The following SEMA6D variants were observed in gnomAD, a reference collection of about 807,000 sequenced individuals.
SEMA6D encodes the protein semaphorin-6D.
SEMA6D carries 35 observed loss-of-function variants against 106.6 expected under a neutral mutation model. The ratio of observed to expected loss-of-function variants is 0.33; its 90% confidence interval spans 0.25 to 0.44. The LOEUF is 0.44. Ranked by LOEUF, SEMA6D falls within the 20% of genes least tolerant of loss-of-function variation. The pLI is 1.00. For synonymous variants in SEMA6D, 499 were observed against 487.7 expected, an observed-to-expected ratio of 1.02 and a Z score of -0.31; for missense variants, 1,185 against 1,345.9, an observed-to-expected ratio of 0.88 and a Z score of 1.87.
At chr15:47,268,866 C>G (rs893220031) in intron 1 of SEMA6D, among the ~76,000 whole-genome samples, 1 of 152,084 alleles carries the variant, frequency 6.6e-6, no homozygotes. Flanking sequence ...ACCACCCTAC[C>G]CTTTTATTGC....
At chr15:47,378,556 T>G (rs1331979503) in intron 1 of SEMA6D, among the ~76,000 whole-genome samples, 1 of 152,152 alleles carries the variant, frequency 6.6e-6, no homozygotes, top group Non-Finnish European at 1.5e-5. Context: ...TGATGACCAC[T>G]TCAAAGACAA....
intron 1 of SEMA6D, among the ~76,000 whole-genome samples, chr15:47,755,852 A>G (rs2081694916): frequency 1.3e-5 from 2 of 148,554 alleles, no homozygotes; most frequent in Non-Finnish European, 3.0e-5. Flanking sequence ...TAATATAAAT[A>G]TAACAATATA....
intron 1 of SEMA6D, among the ~76,000 whole-genome samples, chr15:47,741,847 C>A (rs903824423): frequency 6.6e-5 from 10 of 152,310 alleles, no homozygotes; most frequent in Non-Finnish European, 1.2e-4. Context: ...ATAGATCCTG[C>A]CTTCGAGGAG....
intron 3 of SEMA6D, chr15:47,525,361 C>G (rs908105410): frequency 6.6e-6 from 1 of 152,130 alleles, no homozygotes; most frequent in African/African-American, 2.4e-5. Flanking sequence ...TAGAAGGTGC[C>G]CCAAAGCTTT....
intron 4 of SEMA6D, among the ~76,000 whole-genome samples, chr15:47,685,353 G>C (rs767214203): frequency 6.6e-6 from 1 of 152,184 alleles, no homozygotes; most frequent in Non-Finnish European, 1.5e-5. Flanking sequence ...GAGAGAAGGG[G>C]GATGAGGCAG....
At chr15:47,191,934 C>G (rs1893991902) in intron 1 of SEMA6D, among the ~76,000 whole-genome samples, 2 of 152,108 alleles carry the variant, frequency 1.3e-5, no homozygotes. Context: ...ATACATTAGA[C>G]CAAGGTTATC....
At chr15:47,270,234 T>C (rs1406130284) in intron 1 of SEMA6D, among the ~76,000 whole-genome samples, 4 of 149,396 alleles carry the variant, frequency 2.7e-5, no homozygotes, top group Non-Finnish European at 5.9e-5. Context: ...TTTGATTTTG[T>C]CAATGCCATG....
chr15:47,737,131 C>G (rs1013402362), intron 1 of SEMA6D, among the ~76,000 whole-genome samples: 3 of 152,108 alleles, frequency 2.0e-5, no homozygotes, highest in African/African-American at 7.2e-5. Context: ...TTATAATATG[C>G]TAATTTAGCT....
At chr15:47,718,071 A>G (rs2079196165) in intron 1 of SEMA6D, among the ~76,000 whole-genome samples, 1 of 152,148 alleles carries the variant, frequency 6.6e-6, no homozygotes, top group African/African-American at 2.4e-5. Flanking sequence ...GGGGGCATCA[A>G]GTAAAAGTTT....
At chr15:47,668,309 G>A (rs1234550623) in intron 4 of SEMA6D, among the ~76,000 whole-genome samples, 1 of 152,164 alleles carries the variant, frequency 6.6e-6, no homozygotes, top group Non-Finnish European at 1.5e-5. Context: ...TAAACAGCCA[G>A]TAGATCTAAC....
At chr15:47,655,509 C>G (rs1439884445) in intron 4 of SEMA6D, among the ~76,000 whole-genome samples, 1 of 152,140 alleles carries the variant, frequency 6.6e-6, no homozygotes, top group South Asian at 2.1e-4. Context: ...CACAAGAAGT[C>G]CAAGAAAATC....
intron 1 of SEMA6D, among the ~76,000 whole-genome samples, chr15:47,294,870 A>C (rs372128015): frequency 4.6e-4 from 70 of 152,324 alleles, no homozygotes; most frequent in African/African-American, 1.5e-3. Context: ...GAGAAGCAAC[A>C]ATCTTAATAT....
intron 1 of SEMA6D, among the ~76,000 whole-genome samples, chr15:47,276,696 A>G (rs891885797): frequency 2.6e-5 from 4 of 152,192 alleles, no homozygotes; most frequent in Non-Finnish European, 5.9e-5. Context: ...GGAAATGTAC[A>G]AGGAGGTTAA....
intron 4 of SEMA6D, among the ~76,000 whole-genome samples, chr15:47,619,215 C>T (rs950571820): frequency 1.3e-5 from 2 of 152,208 alleles, no homozygotes; most frequent in African/African-American, 4.8e-5. Context: ...TTCTTGTTTC[C>T]TTTCCTCTCC....
intron 4 of SEMA6D, among the ~76,000 whole-genome samples, chr15:47,609,535 G>A (rs1321518057): frequency 1.3e-5 from 2 of 152,144 alleles, no homozygotes; most frequent in Non-Finnish European, 2.9e-5. Context: ...TTAAACATTT[G>A]AAGGTACATA....
chr15:47,505,928 C>T (rs551854501), intron 3 of SEMA6D, among the ~76,000 whole-genome samples: 112 of 152,012 alleles, frequency 7.4e-4, no homozygotes, highest in Non-Finnish European at 1.4e-3. Context: ...ATGTGTGGGA[C>T]GTGATTGCAG....
intron 2 of SEMA6D, among the ~76,000 whole-genome samples, chr15:47,442,889 T>C (rs1250545903): frequency 6.6e-6 from 1 of 152,126 alleles, no homozygotes; most frequent in Non-Finnish European, 1.5e-5. Flanking sequence ...TAGATTTCTA[T>C]GAATTTCAAA....
chr15:47,534,731 T>A (rs1011602221), intron 3 of SEMA6D, among the ~76,000 whole-genome samples: 4 of 152,058 alleles, frequency 2.6e-5, no homozygotes, highest in African/African-American at 9.7e-5. Context: ...GAAGAATTAC[T>A]TTTTCACCCC....
At chr15:47,579,314 G>A (rs983510554) in intron 3 of SEMA6D, among the ~76,000 whole-genome samples, 3 of 151,632 alleles carry the variant, frequency 2.0e-5, no homozygotes, top group African/African-American at 7.3e-5. Context: ...GCTAATTTTT[G>A]TATTTTTAGT....
Sources: allele counts gnomAD v4.1 joint callset (sites outside exome capture counted in the v4.1 genomes callset), GRCh38; gene constraint gnomAD v4.1.1; transcripts MANE v1.5; gene names NCBI Gene and HGNC (gene_info 2026-07-23, HGNC 2026-07-21).